TET1: variants seen among roughly 807,000 people sequenced by gnomAD.
TET1 encodes the protein tet methylcytosine dioxygenase 1.
In TET1, 13 loss-of-function variants were observed where a neutral mutation model predicts 148.7. That is an observed-to-expected ratio of 0.09 (90% CI 0.06 to 0.14). The LOEUF (loss-of-function observed/expected upper bound fraction) is 0.14. Among genes scored for constraint, TET1 ranks in the 10% least tolerant of loss-of-function variants. The probability of loss-of-function intolerance (pLI) is 1.00; values close to 1 mark genes in which losing one functional copy is unlikely to be tolerated. For synonymous variants in TET1, 907 were observed against 937.2 expected, an observed-to-expected ratio of 0.97 and a Z score of 0.59; for missense variants, 2,182 against 2,553.8, an observed-to-expected ratio of 0.85 and a Z score of 3.14.
At chr10:68,672,508 A>AAAT (rs2055288257) in intron 7 of TET1, among the ~76,000 whole-genome samples, 1 of 148,684 alleles carries the variant, frequency 6.7e-6, no homozygotes, top group East Asian at 2.0e-4. Flanking sequence ...AAAAAAAAAA[A>AAAT]AAACACCAAA....
chr10:68,575,666 C>A (rs2053720981), intron 2 of TET1, among the ~76,000 whole-genome samples: 1 of 150,904 alleles, frequency 6.6e-6, no homozygotes, highest in African/African-American at 2.4e-5. Flanking sequence ...CGTGCCACTG[C>A]ACTACAGCCT....
chr10:68,607,289 G>A (rs540388930), intron 3 of TET1, among the ~76,000 whole-genome samples: 35 of 151,784 alleles, frequency 2.3e-4, no homozygotes, highest in Middle Eastern at 3.4e-3. Context: ...GATTCATACT[G>A]TTTCTGAGTT....
In TET1 at chr10:68,675,067, G is replaced by A. The variant is rs1410868625; in HGVS notation, c.4824+2022G>A. ...GACAAAACAGGTGCTAAAGTAGAAC[G>A]AGCTGATGGATATGAACCACTAGTC... On this transcript the variant is annotated intron_variant, in intron 8 of 11. Transcript: ENST00000373644. 33 of 557,096 alleles carry A rather than the reference G, an allele frequency of 5.9e-5. 1 individual carries two copies. The South Asian group carries it at 5.9e-4, about 10-fold the overall frequency. The allele number at this position is 557,096 out of a possible 1,614,324, so 34.5% of individuals were successfully genotyped here.
chr10:68,583,756 C>A (rs1238648787), intron 2 of TET1, among the ~76,000 whole-genome samples: 6 of 151,990 alleles, frequency 3.9e-5, no homozygotes, highest in African/African-American at 1.2e-4. Context: ...ACTAAAAATA[C>A]AAAAATTAGC....
chr10:68,694,229 T>C lies in TET1; in HGVS notation c.*2415T>C, dbSNP rs114066237. 2.0e-3 allele frequency: 454 copies of C among 232,718 alleles called. 3 individuals carry two copies. Among genetic ancestry groups the C allele is most frequent in the African/African-American group, 9.0e-3 (408 of 45,452 alleles). 14.4% of individuals were successfully genotyped at this position (232,718 alleles called of 1,614,324 possible). ...TATCAACTGAAATGTTTCCATTCCG[T>C]TGTTGTAGTTAACATCATGAATGGA... On this transcript the variant is annotated 3_prime_UTR_variant, in exon 12 of 12. Transcript: ENST00000373644.
chr10:68,579,154 G>T (rs988881001), intron 2 of TET1, among the ~76,000 whole-genome samples: 16 of 152,212 alleles, frequency 1.1e-4, no homozygotes, highest in Admixed American at 6.5e-5. Flanking sequence ...CTAGTAGAGA[G>T]ACCTCCCTTG....
chr10:68,691,651 A>C lies in TET1; in HGVS notation c.6248A>C (p.Gln2083Pro). Residue 2083 changes from glutamine to proline, a missense_variant, in exon 12 of 12, where the codon CAA becomes CCA. Gln to Pro is a moderately conservative substitution (Grantham distance 76). This residue lies in a region of TET1 where 54 missense variants were observed against 44.4 expected (regional missense o/e 1.22). Coordinates refer to ENST00000373644, the MANE Select transcript of TET1 (RefSeq NM_030625.3). The surrounding 1 kb of genome is among the most constrained non-coding windows in gnomAD (Gnocchi z 4.4). ...AKNKKMKASEQKDQAANEGPE... is the reference protein window; with the variant it reads ...AKNKKMKASEPKDQAANEGPE... ...AATAAGAAAATGAAGGCCTCAGAGCAAAAAGACCAGGCAGCTAATGAAGGT... is the reference window on the plus strand; with the variant it reads ...AATAAGAAAATGAAGGCCTCAGAGCCAAAAGACCAGGCAGCTAATGAAGGT... 6.2e-7 allele frequency: 1 copy of C among 1,614,228 alleles called. No individual in the cohort carries two copies. Among genetic ancestry groups the C allele is most frequent in the Non-Finnish European group, 8.5e-7 (1 of 1,180,050 alleles).
At chr10:68,611,843 G>A (rs533510155) in intron 3 of TET1, among the ~76,000 whole-genome samples, 111 of 143,046 alleles carry the variant, frequency 7.8e-4, no homozygotes, top group African/African-American at 2.8e-3. Context: ...TCGGGAGGTG[G>A]GGGGGGTGGG....
chr10:68,601,073 C>T (rs775815669), intron 3 of TET1, 39 bp downstream of exon 3: 1 of 1,541,414 alleles, frequency 6.5e-7, no homozygotes, highest in South Asian at 1.2e-5. Flanking sequence ...CATTATTTTT[C>T]CATTTCATAT....
At chr10:68,677,273 C>T (rs929139118) in intron 8 of TET1, among the ~76,000 whole-genome samples, 2 of 152,116 alleles carry the variant, frequency 1.3e-5, no homozygotes, top group Non-Finnish European at 2.9e-5. Flanking sequence ...CAAAGTGTAT[C>T]AATGGGAACT....
chr10:68,595,375 G>A (rs1286458592), intron 2 of TET1, among the ~76,000 whole-genome samples: 1 of 151,924 alleles, frequency 6.6e-6, no homozygotes, highest in East Asian at 1.9e-4. Flanking sequence ...AGGAGAGCGC[G>A]GGACATATTG....
rs1457112527 is a variant in TET1 at position 68,671,222 on chromosome 10, C to CCAGT, written c.4674-1672_4674-1669dup. Among the ~76,000 whole-genome samples the CCAGT allele has an allele frequency of 2.6e-5, 4 of 152,250 alleles. No individual in the cohort carries two copies. The East Asian group carries it at 7.7e-4, about 29-fold the overall frequency. ...CCCACCCTCCATCCTCAAGTAGGCCCCAGTGTCTGTTGTTCCCCTCTTTGG... is the reference window on the plus strand; with the variant it reads ...CCCACCCTCCATCCTCAAGTAGGCCCCAGTCAGTGTCTGTTGTTCCCCTCTTTGG... On this transcript the variant is annotated intron_variant, in intron 7 of 11. Transcript: ENST00000373644.
At chr10:68,684,179 C>T (rs34305618) in intron 10 of TET1, among the ~76,000 whole-genome samples, 15,298 of 151,954 alleles carry the variant, frequency 0.1, 909 homozygotes, top group South Asian at 0.17. Flanking sequence ...GCTTGAGCCC[C>T]GGGAGTTCTA....
intron 2 of TET1, among the ~76,000 whole-genome samples, chr10:68,578,688 C>T (rs10998297): frequency 0.49 from 74,866 of 151,790 alleles, 19,077 homozygotes; most frequent in East Asian, 0.56. Context: ...CAGACATTTT[C>T]AGGAGCAAAA....
chr10:68,687,768 T>C (rs1209383097), intron 11 of TET1, among the ~76,000 whole-genome samples: 1 of 152,116 alleles, frequency 6.6e-6, no homozygotes, highest in African/African-American at 2.4e-5. Context: ...TATTGTATTT[T>C]TTATAGAGAT....
chr10:68,645,626 A>G lies in TET1; in HGVS notation c.2897A>G (p.Asn966Ser). The change falls in exon 4 of 12, where the codon AAC becomes AGC. Residue 966 changes from asparagine to serine, a missense_variant. By Grantham distance (46) the Asn-to-Ser change is conservative. Coordinates refer to ENST00000373644, the MANE Select transcript of TET1 (RefSeq NM_030625.3). ...CPSLEKQSSCNTVVFNGQTTT... is the reference protein window; with the variant it reads ...CPSLEKQSSCSTVVFNGQTTT... ...TCTTTGGAAAAACAAAGTTCATGCA[A>G]CACGGTGGTTTTCAATGGGCAAACT... 2 of 1,614,240 alleles carry G rather than the reference A, an allele frequency of 1.2e-6. No individual in the cohort carries two copies. Among genetic ancestry groups the G allele is most frequent in the Non-Finnish European group, 1.7e-6 (2 of 1,180,042 alleles).
At chr10:68,637,451 G>A (rs2054670229) in intron 3 of TET1, among the ~76,000 whole-genome samples, 1 of 150,864 alleles carries the variant, frequency 6.6e-6, no homozygotes, top group African/African-American at 2.4e-5. Context: ...TGTTGCTTTT[G>A]CCTTAAATGT....
chr10:68,631,355 G>A (rs1307795870), intron 3 of TET1, among the ~76,000 whole-genome samples: 9 of 151,728 alleles, frequency 5.9e-5, no homozygotes, highest in Admixed American at 5.9e-4. Context: ...ACAATTATTT[G>A]GAGGACTTTG....
Position 68,573,818 on chromosome 10 carries a change from A to G in TET1, c.1480A>G (p.Ile494Val). 2 of 1,614,112 alleles carry G rather than the reference A, an allele frequency of 1.2e-6. No individual in the cohort carries two copies. The highest frequency in any genetic ancestry group is 1.7e-6 in the Non-Finnish European group (2 of 1,180,042). ...AAATTCATTACCTCCAGTAATGGCT[A>G]TAAGCAATGTAGAAAATGAGAAGCA... is the stretch of plus-strand genomic sequence containing the variant. ...EKNSLPPVMAISNVENEKQVH... is the reference protein window; with the variant it reads ...EKNSLPPVMAVSNVENEKQVH... The change falls in exon 2 of 12, where the codon ATA (isoleucine) becomes GTA (valine). Residue 494 changes from isoleucine to valine, a missense_variant. This residue lies in a region of TET1 where 665 missense variants were observed against 672.4 expected (regional missense o/e 0.99). Transcript: ENST00000373644.
Sources: gnomAD v4.1 joint callset for allele counts (sites outside exome capture counted in the v4.1 genomes callset) on GRCh38, gnomAD v4.1.1 for gene constraint, gnomAD v4.1.1 regional missense constraint, Gnocchi (gnomAD v3.1) non-coding constraint, MANE v1.5 for transcripts, NCBI Gene and HGNC (gene_info 2026-07-23, HGNC 2026-07-21) for gene names.